ZBTB25: variants seen among roughly 807,000 people sequenced by gnomAD.
ZBTB25 encodes the protein zinc finger and BTB domain containing 25, also known as zinc finger and BTB domain-containing protein 25.
ZBTB25 carries 20 observed loss-of-function variants against 34.2 expected under a neutral mutation model. The ratio of observed to expected loss-of-function variants is 0.58; its 90% CI spans 0.41 to 0.85. The LOEUF is 0.85. Ranked by LOEUF, ZBTB25 falls within the 40% of genes least tolerant of loss-of-function variation. The pLI, the probability that ZBTB25 is intolerant of heterozygous loss-of-function variation, is 0.00. For missense variants in ZBTB25, 437 were observed against 521.8 expected (o/e 0.84, Z 1.58); for synonymous variants, 175 against 186.4 (o/e 0.94, Z 0.50).
intron 2 of ZBTB25, among the ~76,000 whole-genome samples, chr14:64,454,120 T>C (rs1291771337): frequency 1.3e-5 from 2 of 152,192 alleles, no homozygotes; most frequent in Non-Finnish European, 2.9e-5. Context: ...GTCTCCAGTT[T>C]TTGTTATTTT....
At chr14:64,476,661 G>A (rs562706135), downstream of ZBTB25, among the ~76,000 whole-genome samples, 4 of 152,188 alleles carry the variant, frequency 2.6e-5, no homozygotes, top group Admixed American at 2.6e-4. Context: ...GAATGACTAA[G>A]TTAGAACTGC....
chr14:64,493,091 G>GA (rs1372532816), intron 1 of ZBTB25, among the ~76,000 whole-genome samples: 4 of 150,886 alleles, frequency 2.7e-5, no homozygotes, highest in Non-Finnish European at 3.0e-5. Context: ...GCTTGGCATA[G>GA]AAAAAAAAAG....
At chr14:64,469,048 T>C in intron 2 of ZBTB25, 2 of 1,614,142 alleles carry the variant, frequency 1.2e-6, no homozygotes, top group African/African-American at 1.3e-5. Context: ...GATTAGATAA[T>C]GGGCATTCTG....
intron 2 of ZBTB25, chr14:64,468,593 G>A (rs1229449972): frequency 6.2e-7 from 1 of 1,613,850 alleles, no homozygotes; most frequent in Non-Finnish European, 8.5e-7. Context: ...ACAAGAAGCA[G>A]GAGCTTCTGA....
At chr14:64,503,432 C>T in intron 1 of ZBTB25, 1 of 985,466 alleles carries the variant, frequency 1.0e-6, no homozygotes, top group African/African-American at 1.7e-5. Flanking sequence ...GCAGCCGCTC[C>T]TACGAGCAGC....
At chr14:64,459,113 A>G (rs1306208874) in intron 2 of ZBTB25, among the ~76,000 whole-genome samples, 1 of 152,220 alleles carries the variant, frequency 6.6e-6, no homozygotes, top group Non-Finnish European at 1.5e-5. Flanking sequence ...GACTTTCAAC[A>G]TGTGCTCACA....
chr14:64,473,947 A>T (rs978977660), downstream of ZBTB25: 15 of 166,808 alleles, frequency 9.0e-5, no homozygotes, highest in Non-Finnish European at 1.5e-4. Flanking sequence ...TACAAAAATT[A>T]GAAGGAAGCT....
At chr14:64,504,459 CAGGAGGAGG>C (rs1048713952), upstream of ZBTB25, 1 of 154,588 alleles carries the variant, frequency 6.5e-6, no homozygotes, top group Non-Finnish European at 1.4e-5. Context: ...GCTGTGCAAA[CAGGAGGAGG>C]AGGAGGTCCC....
Position 64,449,398 on chromosome 14 carries a change from C to T in ZBTB25, c.*153G>A. ...AATGGCAAAAAGAAGACAATTCTGT[C>T]TCTCCAGCCATTTTCCATGCTTTGA... On this transcript the variant is annotated 3_prime_UTR_variant, in exon 3 of 3. Transcript: ENST00000555220. The T allele has an allele frequency of 1.9e-6, 3 of 1,594,088 alleles. No individual in the cohort carries two copies. In the South Asian group the frequency reaches 3.3e-5, roughly 18 times the overall value.
At chr14:64,474,949 CTCTA>C (rs1205658461), downstream of ZBTB25, among the ~76,000 whole-genome samples, 1 of 152,140 alleles carries the variant, frequency 6.6e-6, no homozygotes, top group Non-Finnish European at 1.5e-5. Flanking sequence ...AATGTTAACA[CTCTA>C]TCTTTTCGTA....
At chr14:64,477,321 T>G (rs975924208), downstream of ZBTB25, among the ~76,000 whole-genome samples, 1 of 152,190 alleles carries the variant, frequency 6.6e-6, no homozygotes, top group Non-Finnish European at 1.5e-5. Flanking sequence ...GCTCTGAGCA[T>G]AGCCACCAGT....
In ZBTB25 at chr14:64,449,448, G is replaced by A. The variant is rs777230520; in HGVS notation, c.*103C>T. On this transcript the variant is annotated 3_prime_UTR_variant, in exon 3 of 3. Coordinates refer to the ZBTB25 transcript ENST00000555220. ...ATATGAAATGCTTCCTTTATAGGAC[G>A]GATACAGAGTCTGAGCTGGACCTCA... is the stretch of plus-strand genomic sequence containing the variant. The A allele has an allele frequency of 1.5e-5, 25 of 1,613,048 alleles. No homozygotes were observed. The highest frequency in any genetic ancestry group is 1.9e-4 in the Middle Eastern group (1 of 5,296).
intron 2 of ZBTB25, among the ~76,000 whole-genome samples, 133 bp downstream of exon 2, chr14:64,490,208 CAAAAAAAAAAAAAAAAAAAA>C (rs61367816): frequency 8.8e-5 from 8 of 90,948 alleles, no homozygotes; most frequent in South Asian, 3.2e-4. Flanking sequence ...ACTCTGTCGC[CAAAAAAAAAAAAAAAAAAAA>C]AAAAAAAAAA....
Position 64,486,469 on chromosome 14 carries a change from A to G in ZBTB25, c.*454T>C. 3.1e-6 allele frequency: 3 copies of G among 967,668 alleles called. No homozygotes were observed. The highest frequency in any genetic ancestry group is 3.7e-6 in the Non-Finnish European group (3 of 813,444). 59.9% of individuals were successfully genotyped at this position (967,668 alleles called of 1,614,324 possible). ...ATAACATACAGTTATGCATTAAAGT[A>G]ACTATTAATTTCCTATATGGAAGAA... is the stretch of plus-strand genomic sequence containing the variant. On this transcript the variant is annotated 3_prime_UTR_variant, in exon 3 of 3. Coordinates refer to ENST00000608382, the MANE Select transcript of ZBTB25 (RefSeq NM_006977.5).
At chr14:64,489,356 G>A (rs1003498828) in intron 2 of ZBTB25, among the ~76,000 whole-genome samples, 3 of 151,990 alleles carry the variant, frequency 2.0e-5, no homozygotes, top group African/African-American at 7.2e-5. Context: ...CATAGACATA[G>A]CTTCAGACAA....
At chr14:64,469,193 C>G in intron 2 of ZBTB25, 1 of 1,614,108 alleles carries the variant, frequency 6.2e-7, no homozygotes, top group Non-Finnish European at 8.5e-7. Flanking sequence ...TGATGTTCCT[C>G]CTTTACCTGC....
intron 2 of ZBTB25, among the ~76,000 whole-genome samples, chr14:64,489,223 G>A (rs1465749628): frequency 1.3e-5 from 2 of 151,814 alleles, no homozygotes; most frequent in African/African-American, 2.4e-5. Flanking sequence ...ACTTCAGCCT[G>A]GGCACCACTG....
chr14:64,458,355 A>T (rs1247762398), intron 2 of ZBTB25: 2 of 1,179,226 alleles, frequency 1.7e-6, no homozygotes, highest in Non-Finnish European at 2.6e-6. Flanking sequence ...CATGTAGCTT[A>T]TTTATGAATT....
At position 64,498,860 on chromosome 14, in the gene ZBTB25, T is replaced by C. The variant is rs538536126; in HGVS notation, c.-8+4801A>G. ...TGTGTTAGCCAGGATGGTCTCGATT[T>C]CCTGACCTCATGATCCACCCGCCTC... On this transcript the variant is annotated intron_variant, in intron 1 of 2. Transcript: ENST00000608382. 6.0e-5 allele frequency among the ~76,000 whole-genome samples: 9 copies of C among 151,052 alleles called. No individual in the cohort carries two copies. The South Asian group carries it at 1.7e-3, about 28-fold the overall frequency.
Sources: allele counts gnomAD v4.1 joint callset (sites outside exome capture counted in the v4.1 genomes callset), GRCh38; gene constraint gnomAD v4.1.1; transcripts MANE v1.5; gene names NCBI Gene and HGNC (gene_info 2026-07-23, HGNC 2026-07-21).